EXD3: variants seen among roughly 807,000 people sequenced by gnomAD.
EXD3 encodes exonuclease 3'-5' domain containing 3.
In EXD3, 92 loss-of-function variants were observed where a neutral mutation model predicts 98.0. The observed-to-expected ratio is 0.94, with a 90% confidence interval of 0.79 to 1.12. The LOEUF (loss-of-function observed/expected upper bound fraction) is 1.12, where lower values mean the gene tolerates loss of function less well. Among genes scored for constraint, EXD3 ranks in the 50% most tolerant of loss-of-function variants. EXD3 has a pLI of 0.00. For missense variants in EXD3, 1,222 were observed against 1,191.6 expected (o/e 1.03, Z -0.38); for synonymous variants, 569 against 526.0 (o/e 1.08, Z -1.12).
chr9:137,402,469 A>G (rs1043290900), intron 1 of EXD3, among the ~76,000 whole-genome samples: 2 of 152,230 alleles, frequency 1.3e-5, no homozygotes, highest in African/African-American at 4.8e-5. Context: ...TTGCTAAAAG[A>G]TAACAAGAGT....
rs113716109 is a variant in EXD3, at chr9:137,357,996, C to T, written c.657-1628G>A. On this transcript the variant is annotated intron_variant, in intron 7 of 21. Coordinates refer to ENST00000340951, the MANE Select transcript of EXD3 (RefSeq NM_017820.5). The stretch of plus-strand genomic sequence containing the variant: ...CCAGCCTTGCTGGCAGCTGATGAGA[C>T]GGTGCCCACTGAGATTAAGGGTGCG... Among the ~76,000 whole-genome samples the T allele has an allele frequency of 3.2e-3, 488 of 152,170 alleles. 7 individuals carry two copies. The highest frequency in any genetic ancestry group is 0.011 in the African/African-American group (460 of 41,528).
At chr9:137,340,169 T>C (rs1833570214) in intron 17 of EXD3, among the ~76,000 whole-genome samples, 1 of 152,182 alleles carries the variant, frequency 6.6e-6, no homozygotes, top group South Asian at 2.1e-4. Flanking sequence ...AAGATCTTTA[T>C]GGAAGTTATT....
At chr9:137,357,707 T>C (rs890007501) in intron 7 of EXD3, among the ~76,000 whole-genome samples, 7 of 143,736 alleles carry the variant, frequency 4.9e-5, no homozygotes, top group African/African-American at 1.5e-4. Flanking sequence ...AGGATATATA[T>C]ACATATATAT....
At chr9:137,314,386 G>A (rs987177948) in intron 19 of EXD3, among the ~76,000 whole-genome samples, 1 of 152,220 alleles carries the variant, frequency 6.6e-6, no homozygotes, top group Non-Finnish European at 1.5e-5. Flanking sequence ...TGGAGACAGT[G>A]CTGGGGTGGG....
At chr9:137,341,604 C>T (rs1202472207) in intron 17 of EXD3, among the ~76,000 whole-genome samples, 2 of 90,470 alleles carry the variant, frequency 2.2e-5, no homozygotes, top group African/African-American at 4.4e-5. Flanking sequence ...CACCAGGAGC[C>T]GTCTCCCAGG....
chr9:137,353,841 G>T, intron 10 of EXD3: 12 of 986,544 alleles, frequency 1.2e-5, no homozygotes, highest in South Asian at 4.7e-5. Context: ...CGCCTGCCCC[G>T]CTGGCTTCAG....
chr9:137,328,638 GGGGCTACACGGGA>G (rs1832661084), intron 17 of EXD3, among the ~76,000 whole-genome samples: 1 of 77,694 alleles, frequency 1.3e-5, no homozygotes, highest in Non-Finnish European at 2.3e-5. Context: ...GGGACTACAC[GGGGCTACACGGGA>G]CTACACGGGA....
intron 17 of EXD3, among the ~76,000 whole-genome samples, chr9:137,333,911 C>G (rs565348380): frequency 4.1e-4 from 63 of 152,134 alleles, no homozygotes; most frequent in African/African-American, 1.5e-3. Context: ...GACGTCATCT[C>G]CGCTCACTGC....
intron 1 of EXD3, among the ~76,000 whole-genome samples, chr9:137,411,889 C>T (rs889813919): frequency 2.0e-5 from 3 of 152,228 alleles, no homozygotes; most frequent in African/African-American, 7.2e-5. Flanking sequence ...GTCACGCTTC[C>T]TCTGCGGTTT....
chr9:137,403,480 A>AGGGGCCCTGC lies in EXD3; in HGVS notation c.-47-8077_-47-8076insGCAGGGCCCC. Among the ~76,000 whole-genome samples, 1 of 151,958 alleles carries AGGGGCCCTGC rather than the reference A, an allele frequency of 6.6e-6. No homozygotes were observed. Among genetic ancestry groups the AGGGGCCCTGC allele is most frequent in the African/African-American group, 2.4e-5 (1 of 41,428 alleles). On this transcript the variant is annotated intron_variant, in intron 1 of 21. Transcript: ENST00000340951. This position sits in a 1 kb window ranked among gnomAD's most constrained non-coding sequence, Gnocchi z 6.1. ...AGGGTCTCCGAGGGTCGGGGGCCGCAGGGTCTGGCAGCACCCCATGAAGGC... is the reference window on the plus strand; with the variant it reads ...AGGGTCTCCGAGGGTCGGGGGCCGCAGGGGCCCTGCGGGTCTGGCAGCACCCCATGAAGGC...
At chr9:137,362,589 G>A (rs1325852723) in intron 7 of EXD3, among the ~76,000 whole-genome samples, 1 of 150,894 alleles carries the variant, frequency 6.6e-6, no homozygotes, top group Non-Finnish European at 1.5e-5. Context: ...TCGACCTCTT[G>A]GGCTCAAGTG....
At chr9:137,383,690 C>T (rs1302891295) in intron 2 of EXD3, among the ~76,000 whole-genome samples, 1 of 152,254 alleles carries the variant, frequency 6.6e-6, no homozygotes, top group Non-Finnish European at 1.5e-5. Flanking sequence ...CCCTCGTGGG[C>T]CTGAGCCTCT....
At chr9:137,421,563 G>A (rs781297368) in intron 1 of EXD3, among the ~76,000 whole-genome samples, 5 of 152,232 alleles carry the variant, frequency 3.3e-5, no homozygotes, top group Non-Finnish European at 7.3e-5. Flanking sequence ...ACCTGGCTGG[G>A]CAGAGGTTCA....
At chr9:137,412,540 G>A (rs936234437) in intron 1 of EXD3, among the ~76,000 whole-genome samples, 1 of 152,142 alleles carries the variant, frequency 6.6e-6, no homozygotes, top group South Asian at 2.1e-4. Context: ...TCCCCAAACA[G>A]TGTCAGTGGG....
intron 17 of EXD3, among the ~76,000 whole-genome samples, chr9:137,330,425 GCTACACAGGA>G (rs1160856144): frequency 2.1e-4 from 24 of 115,342 alleles, no homozygotes; most frequent in East Asian, 6.6e-4. Flanking sequence ...CTACACAGGA[GCTACACAGGA>G]CTACACAGGA....
chr9:137,395,559 A>T lies in EXD3; in HGVS notation c.-47-155T>A, dbSNP rs1351152635. Among the ~76,000 whole-genome samples, 2 of 149,838 alleles carry T rather than the reference A, an allele frequency of 1.3e-5. No homozygotes were observed. Among genetic ancestry groups the T allele is most frequent in the Non-Finnish European group, 3.0e-5 (2 of 67,514 alleles). On this transcript the variant is annotated intron_variant, in intron 1 of 21. Coordinates refer to ENST00000340951, the MANE Select transcript of EXD3 (RefSeq NM_017820.5). This position sits in a 1 kb window ranked among gnomAD's most constrained non-coding sequence, Gnocchi z 6.5. ...CGCTGAGCATAGCGGGCAGCTCCAC[A>T]CTCCTCTCCCAGCTGGGGTGACGGC...
At chr9:137,355,656 AGGAGGAAGGAGAAAG>A (rs1834702561) in intron 8 of EXD3, among the ~76,000 whole-genome samples, 4 of 77,774 alleles carry the variant, frequency 5.1e-5, no homozygotes, top group Admixed American at 2.4e-4. Context: ...GGAAGGAGGA[AGGAGGAAGGAGAAAG>A]GGAGGATGGA....
intron 19 of EXD3, among the ~76,000 whole-genome samples, chr9:137,318,906 T>C (rs1831864680): frequency 6.6e-6 from 1 of 152,304 alleles, no homozygotes; most frequent in Admixed American, 6.5e-5. Flanking sequence ...TGTTGCTCAC[T>C]CCCTGCTGTG....
At position 137,324,751 on chromosome 9, in the gene EXD3, G is replaced by C. The variant is rs547682436; in HGVS notation, c.1999-608C>G. ...TCTTTCGCCCAGGCCGGAGTGCAGT[G>C]GCGCTGTCTTGGCTCACTGCAAGCT... is the stretch of plus-strand genomic sequence containing the variant. On this transcript the variant is annotated intron_variant, in intron 17 of 21. Coordinates refer to ENST00000340951, the MANE Select transcript of EXD3 (RefSeq NM_017820.5). The surrounding 1 kb of genome is among the most constrained non-coding windows in gnomAD (Gnocchi z 4.1). Among the ~76,000 whole-genome samples the C allele has an allele frequency of 3.9e-5, 6 of 152,306 alleles. No homozygotes were observed. In the East Asian group the frequency reaches 1.2e-3, roughly 29 times the overall value.
Sources: gnomAD v4.1 joint callset for allele counts (sites outside exome capture counted in the v4.1 genomes callset) on GRCh38, gnomAD v4.1.1 for gene constraint, Gnocchi (gnomAD v3.1) non-coding constraint, MANE v1.5 for transcripts, NCBI Gene and HGNC (gene_info 2026-07-23, HGNC 2026-07-21) for gene names.